The following PTPRM variants were observed in gnomAD, a reference collection of about 807,000 sequenced individuals.
The protein encoded by PTPRM is receptor-type tyrosine-protein phosphatase mu.
In PTPRM, 47 loss-of-function variants were observed where a neutral mutation model predicts 186.7. That is an observed-to-expected ratio of 0.25 (90% CI 0.20 to 0.32). PTPRM has a LOEUF of 0.32. PTPRM is among the 10% of genes least tolerant of loss of function. The pLI is 1.00. For synonymous variants in PTPRM, 668 were observed against 674.9 expected (o/e 0.99, Z 0.16); for missense variants, 1,494 against 1,865.0 (o/e 0.80, Z 3.66).
intron 13 of PTPRM, among the ~76,000 whole-genome samples, chr18:8,134,703 G>T (rs1307207541): frequency 1.3e-5 from 2 of 152,100 alleles, no homozygotes; most frequent in South Asian, 2.1e-4. Flanking sequence ...GTTCCTTATT[G>T]AATTGTTCAT....
intron 14 of PTPRM, among the ~76,000 whole-genome samples, chr18:8,226,767 A>C (rs2094218699): frequency 6.6e-6 from 1 of 152,256 alleles, no homozygotes; most frequent in Admixed American, 6.5e-5. Flanking sequence ...GTAGGTTAGA[A>C]GTCTGACACA....
At chr18:7,803,830 C>T (rs1381463215) in intron 2 of PTPRM, among the ~76,000 whole-genome samples, 4 of 152,272 alleles carry the variant, frequency 2.6e-5, no homozygotes, top group South Asian at 2.1e-4. Context: ...ATGCCTACTT[C>T]ACTGACTATA....
intron 1 of PTPRM, among the ~76,000 whole-genome samples, chr18:7,695,676 T>C (rs1485767623): frequency 6.6e-6 from 1 of 152,184 alleles, no homozygotes; most frequent in Non-Finnish European, 1.5e-5. Context: ...GGCTTTCATA[T>C]AGAATTATCT....
chr18:8,219,624 G>A (rs1429101743), intron 14 of PTPRM, among the ~76,000 whole-genome samples: 2 of 152,186 alleles, frequency 1.3e-5, no homozygotes, highest in African/African-American at 4.8e-5. Flanking sequence ...ATACATGGAA[G>A]ATATTGATTA....
chr18:8,289,974 A>G (rs898005211), intron 19 of PTPRM, among the ~76,000 whole-genome samples: 14 of 152,278 alleles, frequency 9.2e-5, no homozygotes, highest in African/African-American at 3.4e-4. Flanking sequence ...TGTTCAGGAC[A>G]CTGGAGAATG....
At chr18:7,700,515 G>A (rs990649960) in intron 1 of PTPRM, among the ~76,000 whole-genome samples, 1 of 152,200 alleles carries the variant, frequency 6.6e-6, no homozygotes, top group African/African-American at 2.4e-5. Context: ...GCAATGCATG[G>A]ATTTGGAATT....
rs142668687 is a variant in PTPRM, at chr18:8,387,171, C to T, written c.4144C>T (p.Arg1382Cys). 2.1e-5 allele frequency: 34 copies of T among 1,613,484 alleles called. No homozygotes were observed. The highest frequency in any genetic ancestry group is 1.2e-4 in the African/African-American group (9 of 74,896). The change falls in exon 31 of 33, where the codon CGC becomes TGC. Residue 1382 changes from arginine to cysteine, a missense_variant. Physicochemically the swap from Arg to Cys is radical, Grantham distance 180. Coordinates refer to ENST00000580170, the MANE Select transcript of PTPRM (RefSeq NM_001105244.2). ...TAAGCGCTCCTTCTTGAAGCTCATT[C>T]GCCAGGTGGACAAGTGGCAAGAGGA... The part of the protein sequence containing the change: ...VSKRSFLKLI[R>C]QVDKWQEEYN...
chr18:8,307,907 C>A (rs143317391), intron 20 of PTPRM, among the ~76,000 whole-genome samples: 2 of 152,270 alleles, frequency 1.3e-5, no homozygotes, highest in Non-Finnish European at 2.9e-5. Flanking sequence ...GGAAAATGTG[C>A]CTAGCAAAAG....
intron 1 of PTPRM, among the ~76,000 whole-genome samples, chr18:7,631,451 GTTT>G (rs74388341): frequency 7.2e-6 from 1 of 139,790 alleles, no homozygotes; most frequent in Non-Finnish European, 1.6e-5. Flanking sequence ...CTACAAGGCT[GTTT>G]TTTTTTTTTT....
At chr18:7,678,318 T>A (rs1014919965) in intron 1 of PTPRM, among the ~76,000 whole-genome samples, 1 of 152,164 alleles carries the variant, frequency 6.6e-6, no homozygotes, top group East Asian at 1.9e-4. Context: ...CTCCAGCTAA[T>A]GTTTCAAAGC....
intron 5 of PTPRM, among the ~76,000 whole-genome samples, chr18:7,933,711 G>A (rs1314357899): frequency 6.6e-6 from 1 of 152,182 alleles, no homozygotes; most frequent in African/African-American, 2.4e-5. Flanking sequence ...AAGTAGATTT[G>A]TAGTTAGAGC....
intron 14 of PTPRM, among the ~76,000 whole-genome samples, chr18:8,240,484 A>G (rs1217674970): frequency 6.9e-3 from 159 of 22,958 alleles, no homozygotes; most frequent in Middle Eastern, 0.038. Flanking sequence ...GGAGGGGAGG[A>G]GAGAGAGAGA....
chr18:8,219,917 A>G (rs1437484623), intron 14 of PTPRM, among the ~76,000 whole-genome samples: 3 of 152,180 alleles, frequency 2.0e-5, no homozygotes, highest in South Asian at 2.1e-4. Flanking sequence ...TGTTTAGTCA[A>G]TCTTATGATC....
chr18:7,904,673 T>A (rs970353855), intron 3 of PTPRM, among the ~76,000 whole-genome samples: 9 of 152,224 alleles, frequency 5.9e-5, no homozygotes, highest in African/African-American at 2.2e-4. Flanking sequence ...TTGAAGGACA[T>A]CTGGGCTGTT....
intron 30 of PTPRM, among the ~76,000 whole-genome samples, chr18:8,386,178 G>C (rs2095771578): frequency 6.6e-6 from 1 of 152,180 alleles, no homozygotes; most frequent in South Asian, 2.1e-4. Context: ...GGAATATCAG[G>C]TGGGCCTTTG....
At chr18:7,666,775 C>T (rs574710370) in intron 1 of PTPRM, among the ~76,000 whole-genome samples, 1 of 152,314 alleles carries the variant, frequency 6.6e-6, no homozygotes, top group East Asian at 1.9e-4. Context: ...ATTTGCATAG[C>T]AGTTTACAAA....
intron 1 of PTPRM, among the ~76,000 whole-genome samples, chr18:7,646,080 T>C (rs2038554528): frequency 6.6e-6 from 1 of 152,218 alleles, no homozygotes; most frequent in South Asian, 2.1e-4. Flanking sequence ...TTGGTGAGCC[T>C]GGAAGCAGGG....
chr18:7,895,166 T>C (rs2049288090), intron 3 of PTPRM, among the ~76,000 whole-genome samples: 1 of 151,972 alleles, frequency 6.6e-6, no homozygotes, highest in South Asian at 2.1e-4. Context: ...TTTATGAGCC[T>C]CACTTTCCTA....
intron 22 of PTPRM, among the ~76,000 whole-genome samples, chr18:8,325,332 T>G (rs926890751): frequency 6.6e-6 from 1 of 152,136 alleles, no homozygotes; most frequent in Non-Finnish European, 1.5e-5. Context: ...TACCCTCAGG[T>G]AGGTCCCAGT....
Sources: allele counts gnomAD v4.1 joint callset (sites outside exome capture counted in the v4.1 genomes callset), GRCh38; gene constraint gnomAD v4.1.1; transcripts MANE v1.5; gene names NCBI Gene and HGNC (gene_info 2026-07-23, HGNC 2026-07-21).